The following GFPT1 variants were observed in gnomAD, a reference collection of about 807,000 sequenced individuals.
GFPT1 encodes the protein glutamine--fructose-6-phosphate transaminase 1.
GFPT1 carries 40 observed loss-of-function variants against 92.0 expected under a neutral mutation model. That is an observed-to-expected ratio of 0.43 (90% CI 0.34 to 0.57). The LOEUF (loss-of-function observed/expected upper bound fraction) is 0.57, where lower values mean the gene tolerates loss of function less well. Among genes scored for constraint, GFPT1 ranks in the 20% least tolerant of loss-of-function variants. The probability of loss-of-function intolerance (pLI) is 0.02; values close to 1 mark genes in which losing one functional copy is unlikely to be tolerated. For missense variants in GFPT1, 448 were observed against 869.1 expected, an observed-to-expected ratio of 0.52 and a Z score of 6.09; for synonymous variants, 269 against 280.6, an observed-to-expected ratio of 0.96 and a Z score of 0.41.
intron 2 of GFPT1, among the ~76,000 whole-genome samples, chr2:69,373,528 G>A (rs1671799946): frequency 6.6e-6 from 1 of 152,112 alleles, no homozygotes; most frequent in Non-Finnish European, 1.5e-5. Flanking sequence ...GCTACGGAGG[G>A]AGGATTGCCT....
At chr2:69,379,678 C>T (rs1671959798) in intron 1 of GFPT1, among the ~76,000 whole-genome samples, 1 of 151,940 alleles carries the variant, frequency 6.6e-6, no homozygotes, top group Non-Finnish European at 1.5e-5. Context: ...GCTGGGACCA[C>T]AGGCACATGC....
chr2:69,337,823 G>A (rs1670838177), intron 15 of GFPT1, 75 bp downstream of exon 15: 2 of 1,165,596 alleles, frequency 1.7e-6, no homozygotes, highest in African/African-American at 1.5e-5. Context: ...ATAAGATACA[G>A]ACTAGTCTAC....
chr2:69,346,015 T>C lies in GFPT1; in HGVS notation c.1010-16A>G. ...CTGAAGTTGCCTATAGTAATAGAAATCACATAATTAAAACAAAAACAAATC... is the reference window on the plus strand; with the variant it reads ...CTGAAGTTGCCTATAGTAATAGAAACCACATAATTAAAACAAAAACAAATC... On this transcript the variant is annotated splice_polypyrimidine_tract_variant and intron_variant, in intron 11 of 19. Coordinates refer to ENST00000357308, the MANE Select transcript of GFPT1 (RefSeq NM_001244710.2). 1 of 1,352,010 alleles carries C rather than the reference T, an allele frequency of 7.4e-7. No individual in the cohort carries two copies. Among genetic ancestry groups the C allele is most frequent in the Non-Finnish European group, 1.1e-6 (1 of 940,992 alleles). 83.8% of individuals were successfully genotyped at this position (1,352,010 alleles called of 1,614,324 possible). A position where few individuals can be genotyped will look rare whatever the true frequency, so the allele number is the denominator to read the frequency against.
intron 12 of GFPT1, 54 bp from the exon 13 acceptor site, chr2:69,342,303 G>A (rs944233106): frequency 1.9e-6 from 2 of 1,072,708 alleles, no homozygotes; most frequent in Non-Finnish European, 1.5e-6. Context: ...TGTGAACTAG[G>A]CAATCGCATT....
In GFPT1 at chr2:69,365,969, C is replaced by T. The variant is rs574693252; in HGVS notation, c.224-2299G>A. On this transcript the variant is annotated intron_variant, in intron 3 of 19. Coordinates refer to ENST00000357308, the MANE Select transcript of GFPT1 (RefSeq NM_001244710.2). Reference sequence around the variant, plus strand: ...CTGGGATTACAGGCACGCACCACCACGCCTGGCTAATTTTTTGTATTTTTA... The same window carrying T: ...CTGGGATTACAGGCACGCACCACCATGCCTGGCTAATTTTTTGTATTTTTA... Among the ~76,000 whole-genome samples the T allele has an allele frequency of 4.6e-5, 7 of 152,188 alleles. No homozygotes were observed. In the South Asian group the frequency reaches 8.3e-4, roughly 18 times the overall value.
intron 14 of GFPT1, 23 bp from the exon 15 acceptor site, chr2:69,338,078 A>G: frequency 1.2e-6 from 2 of 1,611,740 alleles, no homozygotes; most frequent in Non-Finnish European, 1.7e-6. Context: ...TAGGCCAACC[A>G]TAACACACAG....
At position 69,320,389 on chromosome 2, in the gene GFPT1, C is replaced by T. The variant is rs1247018108; in HGVS notation, c.*5800G>A. 3.3e-5 allele frequency: 5 copies of T among 152,220 alleles called. No homozygotes were observed. Among genetic ancestry groups the T allele is most frequent in the African/African-American group, 4.8e-5 (2 of 41,440 alleles). The allele number at this position is 152,220 out of a possible 1,614,324, so 9.4% of individuals were successfully genotyped here. A position where few individuals can be genotyped will look rare whatever the true frequency, so the allele number is the denominator to read the frequency against. On this transcript the variant is annotated 3_prime_UTR_variant, in exon 20 of 20. Coordinates refer to ENST00000357308, the MANE Select transcript of GFPT1 (RefSeq NM_001244710.2). ...TTTGGGAATTCTGGCAATTTTCCTT[C>T]CAAGACCTCCCTATACTTATCTCCA...
chr2:69,340,174 TG>T (rs1670908660), intron 13 of GFPT1, among the ~76,000 whole-genome samples: 1 of 131,946 alleles, frequency 7.6e-6, no homozygotes, highest in Admixed American at 8.2e-5. Context: ...TGGTTAAAGA[TG>T]GGGTCTTGGT....
chr2:69,378,343 C>T (rs530169826), intron 1 of GFPT1, among the ~76,000 whole-genome samples: 1 of 152,300 alleles, frequency 6.6e-6, no homozygotes, highest in Admixed American at 6.5e-5. Context: ...AAGGTAATGA[C>T]AAAAGCCTAA....
At chr2:69,326,285 G>A in intron 19 of GFPT1, 52 bp from the exon 20 acceptor site, 1 of 1,176,978 alleles carries the variant, frequency 8.5e-7, no homozygotes, top group Non-Finnish European at 1.3e-6. Context: ...TATAGACTGG[G>A]GAAGGGGGTG....
intron 1 of GFPT1, among the ~76,000 whole-genome samples, chr2:69,384,125 T>TAGACA (rs1459512686): frequency 1.3e-5 from 2 of 152,020 alleles, no homozygotes; most frequent in Non-Finnish European, 2.9e-5. Context: ...ATTTGGAAAA[T>TAGACA]AGACACACTA....
At chr2:69,373,350 G>A (rs1671796758) in intron 2 of GFPT1, among the ~76,000 whole-genome samples, 1 of 152,104 alleles carries the variant, frequency 6.6e-6, no homozygotes, top group South Asian at 2.1e-4. Flanking sequence ...TGGAATCAGT[G>A]GCTTGCCTGT....
chr2:69,366,147 A>T (rs1348314257), intron 3 of GFPT1, among the ~76,000 whole-genome samples: 2 of 152,180 alleles, frequency 1.3e-5, no homozygotes, highest in Non-Finnish European at 2.9e-5. Flanking sequence ...ACTATAATTA[A>T]AGCAGTATCT....
At chr2:69,328,701 CTTTTTT>C (rs10634143) in intron 17 of GFPT1, among the ~76,000 whole-genome samples, 1 of 136,214 alleles carries the variant, frequency 7.3e-6, no homozygotes, top group African/African-American at 2.8e-5. Context: ...CTGGTTAACC[CTTTTTT>C]TTTTTTTTTT....
chr2:69,358,168 A>C (rs1187195130), intron 6 of GFPT1, among the ~76,000 whole-genome samples, 161 bp downstream of exon 6: 1 of 152,252 alleles, frequency 6.6e-6, no homozygotes, highest in Non-Finnish European at 1.5e-5. Flanking sequence ...GGGAATCAAT[A>C]AATCAATCAG....
chr2:69,347,546 C>T (rs1164640050), intron 11 of GFPT1, among the ~76,000 whole-genome samples: 2 of 150,302 alleles, frequency 1.3e-5, no homozygotes, highest in African/African-American at 2.5e-5. Context: ...GGCGCAATCT[C>T]GGCTCACTGA....
In GFPT1 at chr2:69,325,341, C is replaced by A. The variant is rs1201157630; in HGVS notation, c.*848G>T. The A allele has an allele frequency of 1.3e-5, 2 of 152,102 alleles. No homozygotes were observed. Among genetic ancestry groups the A allele is most frequent in the Non-Finnish European group, 2.9e-5 (2 of 68,012 alleles). The allele number at this position is 152,102 out of a possible 1,614,324, so 9.4% of individuals were successfully genotyped here. A position where few individuals can be genotyped will look rare whatever the true frequency, so the allele number is the denominator to read the frequency against. On this transcript the variant is annotated 3_prime_UTR_variant, in exon 20 of 20. Coordinates refer to ENST00000357308, the MANE Select transcript of GFPT1 (RefSeq NM_001244710.2). ...AAAGAACAAGATAAAATATGTCATT[C>A]AGCAGTCATTTAAAAAATAAAAGAC...
At chr2:69,331,264 G>T (rs1468078351) in intron 15 of GFPT1, among the ~76,000 whole-genome samples, 5 of 151,718 alleles carry the variant, frequency 3.3e-5, no homozygotes, top group Non-Finnish European at 7.4e-5. Flanking sequence ...TTTCATGTTT[G>T]TTGACCATTT....
intron 4 of GFPT1, among the ~76,000 whole-genome samples, chr2:69,360,938 T>C (rs754197446): frequency 1.3e-5 from 2 of 152,028 alleles, no homozygotes; most frequent in Non-Finnish European, 2.9e-5. Flanking sequence ...TTTTGCCATA[T>C]TGGTCAGGCT....
Sources: gnomAD v4.1 joint callset for allele counts (sites outside exome capture counted in the v4.1 genomes callset) on GRCh38, gnomAD v4.1.1 for gene constraint, MANE v1.5 for transcripts, NCBI Gene and HGNC (gene_info 2026-07-23, HGNC 2026-07-21) for gene names.